Variants in GLRB observed in about 807,000 individuals in gnomAD.
GLRB encodes the protein glycine receptor subunit beta.
A neutral mutation model predicts 54.2 loss-of-function variants in GLRB; 33 were observed. The observed-to-expected ratio is 0.61, with a 90% CI of 0.46 to 0.81. The LOEUF is 0.81. Among genes scored for constraint, GLRB ranks in the 40% least tolerant of loss-of-function variants. The pLI, the probability that GLRB is intolerant of heterozygous loss-of-function variation, is 0.00. For synonymous variants in GLRB, 209 were observed against 208.2 expected (o/e 1.00, Z -0.03); for missense variants, 572 against 584.6 (o/e 0.98, Z 0.22).
intron 2 of GLRB, among the ~76,000 whole-genome samples, chr4:157,083,164 C>T (rs1240406229): frequency 6.6e-6 from 1 of 151,844 alleles, no homozygotes; most frequent in African/African-American, 2.4e-5. Context: ...GATTTCTGCT[C>T]TGTGCTAGTG....
chr4:157,158,555 G>T (rs574740355), intron 9 of GLRB, among the ~76,000 whole-genome samples: 1 of 152,268 alleles, frequency 6.6e-6, no homozygotes, highest in East Asian at 1.9e-4. Flanking sequence ...CATGTGGCTA[G>T]CCAGTTTTCC....
At chr4:157,121,068 A>G (rs573281243) in intron 3 of GLRB, among the ~76,000 whole-genome samples, 10 of 151,726 alleles carry the variant, frequency 6.6e-5, no homozygotes, top group African/African-American at 2.4e-4. Context: ...GAAAGAGAAC[A>G]GTTCTGATGT....
chr4:157,120,655 C>CCT lies in GLRB; in HGVS notation c.222_223insCT (p.Phe75LeufsTer9). 1 of 1,501,802 alleles carries CCT rather than the reference C, an allele frequency of 6.7e-7. No homozygotes were observed. The highest frequency in any genetic ancestry group is 9.3e-7 in the Non-Finnish European group (1 of 1,080,742). 93.0% of individuals were successfully genotyped at this position (1,501,802 alleles called of 1,614,324 possible). ...GTTATGATCCCAGGATAAGACCAAACTTCAAAGGTTTGTCTCCCCCATATA... is the reference window on the plus strand; with the variant it reads ...GTTATGATCCCAGGATAAGACCAAACCTTTCAAAGGTTTGTCTCCCCCATATA... On this transcript the variant is annotated frameshift_variant, in exon 3 of 10. Coordinates refer to ENST00000264428, the MANE Select transcript of GLRB (RefSeq NM_000824.5). LOFTEE classifies it high-confidence loss of function.
At chr4:157,119,157 T>C (rs1170485064) in intron 2 of GLRB, among the ~76,000 whole-genome samples, 1 of 151,646 alleles carries the variant, frequency 6.6e-6, no homozygotes, top group East Asian at 1.9e-4. Context: ...AAAGAGTTCA[T>C]GACAAATATA....
chr4:157,114,180 T>C (rs185588530), intron 2 of GLRB, among the ~76,000 whole-genome samples: 21 of 151,996 alleles, frequency 1.4e-4, no homozygotes, highest in Admixed American at 1.4e-3. Flanking sequence ...CCAGTAGCAG[T>C]GTTTTTTTCA....
intron 2 of GLRB, among the ~76,000 whole-genome samples, chr4:157,099,432 G>A (rs530059771): frequency 6.6e-6 from 1 of 151,860 alleles, no homozygotes; most frequent in East Asian, 1.9e-4. Context: ...TGCTTCCTGG[G>A]TTCAAGTGAT....
rs571470524 is a variant in GLRB at position 157,158,707 on chromosome 4, C to T, written c.1197+5697C>T. On this transcript the variant is annotated intron_variant, in intron 9 of 9. Transcript: ENST00000264428. ...TTGGTCTATATCTCTGTTTTGGTAC[C>T]AGTACCATGCTGTTTTGGTTACTGT... 3.0e-4 allele frequency among the ~76,000 whole-genome samples: 46 copies of T among 152,194 alleles called. No individual in the cohort carries two copies. In the Middle Eastern group the frequency reaches 0.01, roughly 34 times the overall value.
chr4:157,144,025 A>G, intron 8 of GLRB, 66 bp downstream of exon 8: 4 of 1,439,072 alleles, frequency 2.8e-6, no homozygotes, highest in Non-Finnish European at 2.0e-6. Context: ...CTTACCATAT[A>G]ATCAACTACT....
intron 2 of GLRB, among the ~76,000 whole-genome samples, chr4:157,090,513 G>A (rs1035863306): frequency 3.3e-5 from 5 of 152,162 alleles, no homozygotes; most frequent in Non-Finnish European, 5.9e-5. Flanking sequence ...AAAGGGAAGA[G>A]TATTTTAATG....
Position 157,079,910 on chromosome 4 carries a change from T to C in GLRB, c.122+1764T>C, listed in dbSNP as rs371589246. On this transcript the variant is annotated intron_variant, in intron 2 of 9. Coordinates refer to ENST00000264428, the MANE Select transcript of GLRB (RefSeq NM_000824.5). ...CATATAGTCACCGTAATTCTATGTATGGAATCAAGCCATCTTGGGTTTCTG... is the reference window on the plus strand; with the variant it reads ...CATATAGTCACCGTAATTCTATGTACGGAATCAAGCCATCTTGGGTTTCTG... 4.6e-5 allele frequency among the ~76,000 whole-genome samples: 7 copies of C among 152,308 alleles called. No homozygotes were observed. In the East Asian group the frequency reaches 7.7e-4, roughly 17 times the overall value.
chr4:157,145,532 A>G (rs2126587506), intron 8 of GLRB, among the ~76,000 whole-genome samples: 1 of 152,292 alleles, frequency 6.6e-6, no homozygotes, highest in Non-Finnish European at 1.5e-5. Context: ...GATTCCTTCA[A>G]CAAGTATTTG....
At chr4:157,137,252 A>T (rs1336967532) in intron 6 of GLRB, among the ~76,000 whole-genome samples, 1 of 152,152 alleles carries the variant, frequency 6.6e-6, no homozygotes, top group Non-Finnish European at 1.5e-5. Context: ...AATTTGGAAA[A>T]CATTGAAAAA....
chr4:157,116,623 A>G (rs1038758166), intron 2 of GLRB, among the ~76,000 whole-genome samples: 5 of 151,568 alleles, frequency 3.3e-5, no homozygotes, highest in African/African-American at 9.7e-5. Flanking sequence ...AATTGTTTTA[A>G]CTCTTTAAAA....
intron 3 of GLRB, among the ~76,000 whole-genome samples, chr4:157,121,016 A>C (rs1735796892): frequency 6.6e-6 from 1 of 151,676 alleles, no homozygotes; most frequent in African/African-American, 2.4e-5. Flanking sequence ...ATTCACAGAC[A>C]CCAGAGTTAT....
rs1254160432 is a variant in GLRB, at chr4:157,136,473, A to G, written c.302A>G (p.Tyr101Cys). The G allele has an allele frequency of 1.9e-6, 3 of 1,571,766 alleles. No homozygotes were observed. The highest frequency in any genetic ancestry group is 2.6e-6 in the Non-Finnish European group (3 of 1,141,482). Reference sequence around the variant, plus strand: ...ACGCATGTACTTTTTCTTCAGGACTATAGAGTTAACATCTTCCTGAGACAA... The same window carrying G: ...ACGCATGTACTTTTTCTTCAGGACTGTAGAGTTAACATCTTCCTGAGACAA... ...FGSIQETTMDYRVNIFLRQKW... is the reference protein window; with the variant it reads ...FGSIQETTMDCRVNIFLRQKW... The change falls in exon 5 of 10, where the codon TAT becomes TGT. Residue 101 changes from tyrosine (Y) to cysteine (C), a missense_variant. Coordinates refer to ENST00000264428, the MANE Select transcript of GLRB (RefSeq NM_000824.5).
intron 2 of GLRB, among the ~76,000 whole-genome samples, chr4:157,114,176 G>A (rs1460445037): frequency 1.3e-5 from 2 of 151,780 alleles, no homozygotes; most frequent in Admixed American, 6.6e-5. Context: ...CAGACCAGTA[G>A]CAGTGTTTTT....
intron 9 of GLRB, 89 bp downstream of exon 9, chr4:157,153,099 G>C: frequency 8.8e-7 from 1 of 1,137,906 alleles, no homozygotes; most frequent in Non-Finnish European, 1.3e-6. Flanking sequence ...GACAAGTTTT[G>C]ATGGAATTGG....
At chr4:157,124,413 C>T (rs2126539065) in intron 4 of GLRB, among the ~76,000 whole-genome samples, 2 of 151,652 alleles carry the variant, frequency 1.3e-5, no homozygotes, top group African/African-American at 2.4e-5. Context: ...GTGTGTATTC[C>T]TTTTATTCTC....
At chr4:157,119,389 T>C (rs1053493368) in intron 2 of GLRB, among the ~76,000 whole-genome samples, 2 of 151,604 alleles carry the variant, frequency 1.3e-5, no homozygotes, top group Non-Finnish European at 3.0e-5. Flanking sequence ...CTGGTCAGAT[T>C]GTTTTTGTGT....
Sources: gnomAD v4.1 joint callset for allele counts (sites outside exome capture counted in the v4.1 genomes callset) on GRCh38, gnomAD v4.1.1 for gene constraint, MANE v1.5 for transcripts, NCBI Gene and HGNC (gene_info 2026-07-23, HGNC 2026-07-21) for gene names.